Variants in SLC12A2 observed in about 807,000 individuals in gnomAD.
The protein encoded by SLC12A2 is Na-K-2Cl cotransporter 1.
A neutral mutation model predicts 136.3 loss-of-function variants in SLC12A2; 67 were observed. The ratio of observed to expected loss-of-function variants is 0.49; its 90% CI spans 0.40 to 0.60. The LOEUF is 0.60. Among genes scored for constraint, SLC12A2 ranks in the 20% least tolerant of loss-of-function variants. The pLI is 0.00. For synonymous variants in SLC12A2, 619 were observed against 562.9 expected (o/e 1.10, Z -1.41); for missense variants, 1,322 against 1,534.7 (o/e 0.86, Z 2.32).
chr5:128,121,082 A>C (rs1402999042), intron 4 of SLC12A2, among the ~76,000 whole-genome samples: 1 of 152,128 alleles, frequency 6.6e-6, no homozygotes, highest in Admixed American at 6.5e-5. Context: ...GAGATTTAAT[A>C]TTACTAATTA....
chr5:128,139,280 T>A (rs1427425615), intron 9 of SLC12A2, among the ~76,000 whole-genome samples: 2 of 152,082 alleles, frequency 1.3e-5, no homozygotes, highest in African/African-American at 4.8e-5. Context: ...TTATTTTTTT[T>A]TTTTACAGTA....
intron 18 of SLC12A2, 99 bp from the exon 19 acceptor site, chr5:128,171,568 G>A (rs1453818669): frequency 1.3e-6 from 1 of 749,200 alleles, no homozygotes; most frequent in Non-Finnish European, 2.2e-6. Flanking sequence ...AAAGCCGAAA[G>A]TAATTTTAGA....
chr5:128,115,028 C>T (rs1434712160), intron 4 of SLC12A2, among the ~76,000 whole-genome samples: 4 of 152,310 alleles, frequency 2.6e-5, no homozygotes, highest in Non-Finnish European at 2.9e-5. Context: ...TTGGGGTAAC[C>T]TCATTCCCCA....
At chr5:128,143,946 G>A (rs1762448826) in intron 10 of SLC12A2, among the ~76,000 whole-genome samples, 1 of 149,942 alleles carries the variant, frequency 6.7e-6, no homozygotes, top group Non-Finnish European at 1.5e-5. Flanking sequence ...AAATTATGTA[G>A]TTTTAAGCAA....
chr5:128,186,459 G>T, intron 26 of SLC12A2, 37 bp from the exon 27 acceptor site: 1 of 1,448,044 alleles, frequency 6.9e-7, no homozygotes. Context: ...GCATTGCTCA[G>T]GGTTTTTTTT....
chr5:128,124,110 C>T (rs1344904184), intron 4 of SLC12A2, among the ~76,000 whole-genome samples: 1 of 152,148 alleles, frequency 6.6e-6, no homozygotes, highest in African/African-American at 2.4e-5. Flanking sequence ...AGACTCTGTG[C>T]CATTCCATTC....
chr5:128,129,628 T>C (rs933854991), intron 4 of SLC12A2, among the ~76,000 whole-genome samples: 1 of 152,190 alleles, frequency 6.6e-6, no homozygotes, highest in Non-Finnish European at 1.5e-5. Context: ...ATTAGTACTT[T>C]AACTGTAGAA....
chr5:128,170,764 T>A (rs2126745101), intron 18 of SLC12A2: 1 of 152,252 alleles, frequency 6.6e-6, no homozygotes, highest in African/African-American at 2.4e-5. Flanking sequence ...TAAAGCTGTC[T>A]TCAAGATTTT....
At chr5:128,141,412 A>G (rs1330698475) in intron 9 of SLC12A2, among the ~76,000 whole-genome samples, 1 of 152,170 alleles carries the variant, frequency 6.6e-6, no homozygotes, top group Non-Finnish European at 1.5e-5. Context: ...GTATTACCTG[A>G]AGTCTGATTT....
In SLC12A2 at chr5:128,161,737, G is replaced by T; in HGVS notation, c.2553G>T (p.Met851Ile). 6.5e-7 allele frequency: 1 copy of T among 1,535,422 alleles called. No homozygotes were observed. Among genetic ancestry groups the T allele is most frequent in the Non-Finnish European group, 8.7e-7 (1 of 1,143,372 alleles). Residue 851 changes from methionine (M) to isoleucine (I), a missense_variant, in exon 17 of 27, where the codon ATG becomes ATT. By Grantham distance (10) the Met-to-Ile change is conservative (BLOSUM62 1). This residue lies in a region of SLC12A2 where 226 missense variants were observed against 210.4 expected (regional missense o/e 1.07). Coordinates refer to ENST00000262461, the MANE Select transcript of SLC12A2 (RefSeq NM_001046.3). Reference protein sequence around the residue: ...KYQRWLIKNKMKAFYAPVHAD... With the variant: ...KYQRWLIKNKIKAFYAPVHAD... ...AGCGATGGCTTATTAAGAACAAAAT[G>T]AAGGCATTTTATGCTCCAGTACATG...
intron 17 of SLC12A2, among the ~76,000 whole-genome samples, chr5:128,163,895 T>G (rs1422077624): frequency 1.3e-5 from 2 of 152,156 alleles, no homozygotes; most frequent in African/African-American, 4.8e-5. Flanking sequence ...ACATGAATGT[T>G]TATTATTTAT....
Position 128,184,857 on chromosome 5 carries a change from G to A in SLC12A2, c.3503+1G>A. The A allele has an allele frequency of 6.3e-7, 1 of 1,587,298 alleles. No individual in the cohort carries two copies. Among genetic ancestry groups the A allele is most frequent in the Non-Finnish European group, 8.6e-7 (1 of 1,156,528 alleles). On this transcript the variant is annotated splice_donor_variant, in intron 26 of 26. Coordinates refer to ENST00000262461, the MANE Select transcript of SLC12A2 (RefSeq NM_001046.3). LOFTEE classifies it high-confidence loss of function. ...CAAGCACAGCTAATATTATTGTCAT[G>A]TAAGTAATATCTTTATAAAGATTTT...
intron 4 of SLC12A2, among the ~76,000 whole-genome samples, chr5:128,120,778 G>T (rs1399378688): frequency 6.6e-6 from 1 of 151,956 alleles, no homozygotes; most frequent in African/African-American, 2.4e-5. Flanking sequence ...GTTAATGGGT[G>T]CAGCACACCA....
chr5:128,162,715 G>T (rs1281474223), intron 17 of SLC12A2, among the ~76,000 whole-genome samples: 1 of 152,040 alleles, frequency 6.6e-6, no homozygotes, highest in Non-Finnish European at 1.5e-5. Flanking sequence ...AAAAGCGAAA[G>T]ATATGAACAG....
chr5:128,104,961 A>C (rs1050049745), intron 1 of SLC12A2, among the ~76,000 whole-genome samples: 3 of 152,154 alleles, frequency 2.0e-5, no homozygotes, highest in African/African-American at 7.2e-5. Flanking sequence ...GGAAATAGAT[A>C]CCTAAAAATA....
At chr5:128,170,030 G>T (rs893661189) in intron 18 of SLC12A2, 10 of 152,130 alleles carry the variant, frequency 6.6e-5, no homozygotes, top group African/African-American at 2.4e-4. Flanking sequence ...TCTTTATCTT[G>T]TTGCACTTCC....
chr5:128,132,974 A>C (rs1054017278), intron 5 of SLC12A2, among the ~76,000 whole-genome samples: 1 of 152,144 alleles, frequency 6.6e-6, no homozygotes, highest in African/African-American at 2.4e-5. Context: ...TACATTTATT[A>C]TATAAAATAT....
chr5:128,175,727 C>G (rs779876953), intron 20 of SLC12A2, among the ~76,000 whole-genome samples: 7 of 151,946 alleles, frequency 4.6e-5, no homozygotes, highest in Non-Finnish European at 8.8e-5. Context: ...TGGGTCAGTA[C>G]ATTTCTACTT....
chr5:128,110,845 T>G, intron 1 of SLC12A2: 1 of 1,460,876 alleles, frequency 6.8e-7, no homozygotes, highest in South Asian at 1.1e-5. Flanking sequence ...TGATGACATA[T>G]TCTGTTATTA....
Sources: gnomAD v4.1 joint callset for allele counts (sites outside exome capture counted in the v4.1 genomes callset) on GRCh38, gnomAD v4.1.1 for gene constraint, gnomAD v4.1.1 regional missense constraint, MANE v1.5 for transcripts, NCBI Gene and HGNC (gene_info 2026-07-23, HGNC 2026-07-21) for gene names.